Variants in ARHGEF7 observed in about 807,000 individuals in gnomAD.
ARHGEF7 encodes the protein Rho guanine nucleotide exchange factor 7.
In ARHGEF7, 33 loss-of-function variants were observed where a neutral mutation model predicts 109.8. The observed-to-expected ratio is 0.30, with a 90% confidence interval of 0.23 to 0.40. ARHGEF7 has a LOEUF of 0.40. ARHGEF7 is among the 10% of genes least tolerant of loss of function. The pLI, the probability that ARHGEF7 is intolerant of heterozygous loss-of-function variation, is 1.00. For missense variants in ARHGEF7, 938 were observed against 1,098.5 expected, an observed-to-expected ratio of 0.85 and a Z score of 2.07; for synonymous variants, 458 against 424.6, an observed-to-expected ratio of 1.08 and a Z score of -0.97.
chr13:111,243,723 A>G (rs2088246974), intron 6 of ARHGEF7, 149 bp from the exon 7 acceptor site: 1 of 593,304 alleles, frequency 1.7e-6, no homozygotes, highest in South Asian at 2.3e-5. Context: ...CAATAATTGC[A>G]AAGAATGATG....
At chr13:111,215,670 G>A (rs187471483) in intron 4 of ARHGEF7, among the ~76,000 whole-genome samples, 2 of 152,312 alleles carry the variant, frequency 1.3e-5, no homozygotes, top group East Asian at 3.9e-4. Context: ...TGTATGTTTT[G>A]CAGGTTGCAG....
At chr13:111,206,959 C>T (rs1223493960) in intron 3 of ARHGEF7, among the ~76,000 whole-genome samples, 29 of 63,630 alleles carry the variant, frequency 4.6e-4, no homozygotes, top group Admixed American at 8.0e-4. Flanking sequence ...GAGACTCCAT[C>T]TAAAAAAAAA....
chr13:111,283,216 G>A lies in ARHGEF7; in HGVS notation c.1803G>A (p.Thr601=), dbSNP rs959995956. ...CGCCGCTGACGCCCGCCTACCACAC[G>A]CTGCCCCACCCCTCCCACCACGGCA... ...KPAPLTPAYH[T]LPHPSHHGTP... is the part of the protein sequence containing the mutation. Residue 601 remains threonine, a synonymous_variant, in exon 16 of 22, where the codon ACG becomes ACA. Coordinates refer to ENST00000646102, the MANE Select transcript of ARHGEF7 (RefSeq NM_001354046.2). 18 of 1,595,610 alleles carry A rather than the reference G, an allele frequency of 1.1e-5. No homozygotes were observed. Among genetic ancestry groups the A allele is most frequent in the East Asian group, 4.5e-5 (2 of 44,230 alleles).
intron 19 of ARHGEF7, among the ~76,000 whole-genome samples, chr13:111,300,379 T>C (rs927911952): frequency 6.6e-6 from 1 of 152,240 alleles, no homozygotes; most frequent in African/African-American, 2.4e-5. Context: ...CTGATTGGTC[T>C]CATATGTCTT....
At position 111,115,640 on chromosome 13, in the gene ARHGEF7, G is replaced by A. The variant is rs763277979; in HGVS notation, c.114G>A (p.Gly38=). ...EGFLQASLKD[G]VVLCRLLERL... ...TTCTGCAGGCGTCGCTGAAGGATGGGGTGGTCCTCTGCAGGCTGCTGGAGC... is the reference window on the plus strand; with the variant it reads ...TTCTGCAGGCGTCGCTGAAGGATGGAGTGGTCCTCTGCAGGCTGCTGGAGC... Residue 38 remains glycine (G), a synonymous_variant, in exon 1 of 22, where the codon GGG becomes GGA. Coordinates refer to ENST00000646102, the MANE Select transcript of ARHGEF7 (RefSeq NM_001354046.2). 2.2e-6 allele frequency: 3 copies of A among 1,386,112 alleles called. No individual in the cohort carries two copies. The highest frequency in any genetic ancestry group is 6.4e-5 in the East Asian group (2 of 31,138). The allele number at this position is 1,386,112 out of a possible 1,614,324, so 85.9% of individuals were successfully genotyped here. A position where few individuals can be genotyped will look rare whatever the true frequency, so the allele number is the denominator to read the frequency against.
chr13:111,151,281 T>G (rs1285085990), intron 1 of ARHGEF7, among the ~76,000 whole-genome samples: 1 of 152,234 alleles, frequency 6.6e-6, no homozygotes, highest in Non-Finnish European at 1.5e-5. Flanking sequence ...TTTTAAAAAT[T>G]CTTCCGCAGC....
At chr13:111,292,926 A>G (rs199516443) in intron 19 of ARHGEF7, 1 of 986,634 alleles carries the variant, frequency 1.0e-6, no homozygotes, top group East Asian at 1.1e-4. Context: ...ACGTGTGTTC[A>G]GAGCTTGTCT....
chr13:111,174,165 T>A (rs899346541), intron 2 of ARHGEF7, among the ~76,000 whole-genome samples: 2 of 152,262 alleles, frequency 1.3e-5, no homozygotes, highest in Non-Finnish European at 2.9e-5. Context: ...TTTGCTGCTA[T>A]TTAAAATCTA....
Position 111,266,795 on chromosome 13 carries a change from G to C in ARHGEF7, c.951-753G>C, listed in dbSNP as rs1441083695. 1 of 455,984 alleles carries C rather than the reference G, an allele frequency of 2.2e-6. No homozygotes were observed. The highest frequency in any genetic ancestry group is 4.4e-6 in the Non-Finnish European group (1 of 226,790). The allele number at this position is 455,984 out of a possible 1,614,324, so 28.2% of individuals were successfully genotyped here. A position where few individuals can be genotyped will look rare whatever the true frequency, so the allele number is the denominator to read the frequency against. Reference sequence around the variant, plus strand: ...AGACACCCTGGGGTGCAGGGAAGGTGGTAAGAGTTCACGTGGTTCTCCTGT... The same window carrying C: ...AGACACCCTGGGGTGCAGGGAAGGTCGTAAGAGTTCACGTGGTTCTCCTGT... On this transcript the variant is annotated intron_variant, in intron 8 of 21. Coordinates refer to ENST00000646102, the MANE Select transcript of ARHGEF7 (RefSeq NM_001354046.2). The surrounding 1 kb of genome is among the most constrained non-coding windows in gnomAD (Gnocchi z 4.8).
At position 111,304,748 on chromosome 13, in the gene ARHGEF7, GC is replaced by G. The variant is rs2093625362; in HGVS notation, c.*1639del. 6.6e-6 allele frequency: 1 copy of G among 152,272 alleles called. No individual in the cohort carries two copies. Among genetic ancestry groups the G allele is most frequent in the African/African-American group, 2.4e-5 (1 of 41,462 alleles). 9.4% of individuals were successfully genotyped at this position (152,272 alleles called of 1,614,324 possible). A position where few individuals can be genotyped will look rare whatever the true frequency, so the allele number is the denominator to read the frequency against. On this transcript the variant is annotated 3_prime_UTR_variant, in exon 22 of 22. Transcript: ENST00000646102. ...GTCTGCCTGGGCTCAGCGTGGACCT[GC>G]CCCATGCTGCAGAACCTGGCCTCAC...
intron 1 of ARHGEF7, among the ~76,000 whole-genome samples, chr13:111,151,969 TC>T (rs1250556613): frequency 1.3e-5 from 2 of 152,210 alleles, no homozygotes; most frequent in Non-Finnish European, 2.9e-5. Context: ...TCTGCTTGTG[TC>T]CATATATGAC....
intron 15 of ARHGEF7, 102 bp from the exon 16 acceptor site, chr13:111,283,037 T>C: frequency 7.4e-7 from 1 of 1,342,374 alleles, no homozygotes; most frequent in Non-Finnish European, 1.0e-6. Context: ...TTATTTCACA[T>C]GGAGTGTTTA....
intron 2 of ARHGEF7, among the ~76,000 whole-genome samples, chr13:111,186,035 C>T (rs2079223180): frequency 6.7e-6 from 1 of 150,146 alleles, no homozygotes; most frequent in Non-Finnish European, 1.5e-5. Flanking sequence ...GATAAACTGG[C>T]ATGCAGTCTA....
chr13:111,234,482 G>A (rs1207283749), intron 6 of ARHGEF7, among the ~76,000 whole-genome samples: 1 of 152,192 alleles, frequency 6.6e-6, no homozygotes, highest in Non-Finnish European at 1.5e-5. Flanking sequence ...GAACAGAATG[G>A]CGGGTGCCTC....
At chr13:111,158,869 A>G (rs2076541809) in intron 2 of ARHGEF7, among the ~76,000 whole-genome samples, 1 of 152,244 alleles carries the variant, frequency 6.6e-6, no homozygotes, top group South Asian at 2.1e-4. Flanking sequence ...TCTTTGTGGT[A>G]AGAACATTTA....
chr13:111,242,742 G>A (rs1050464199), intron 6 of ARHGEF7, among the ~76,000 whole-genome samples: 8 of 152,336 alleles, frequency 5.3e-5, no homozygotes, highest in South Asian at 2.1e-4. Flanking sequence ...ACCTGGGGCC[G>A]CTGTCTGGCT....
intron 1 of ARHGEF7, among the ~76,000 whole-genome samples, chr13:111,122,027 C>T (rs2067232757): frequency 6.6e-6 from 1 of 152,216 alleles, no homozygotes; most frequent in African/African-American, 2.4e-5. Context: ...ACCTCAGAGC[C>T]ATCCAAATCC....
chr13:111,178,967 C>CT (rs557713033), intron 2 of ARHGEF7, among the ~76,000 whole-genome samples: 42 of 151,182 alleles, frequency 2.8e-4, no homozygotes, highest in African/African-American at 8.8e-4. Flanking sequence ...CGTCCCCCCC[C>CT]TTTTTTTTTG....
intron 5 of ARHGEF7, among the ~76,000 whole-genome samples, chr13:111,224,901 G>A (rs2084977154): frequency 6.6e-6 from 1 of 152,192 alleles, no homozygotes. Flanking sequence ...CTGCATTACA[G>A]GATGGACCTC....
Sources: allele counts gnomAD v4.1 joint callset (sites outside exome capture counted in the v4.1 genomes callset), GRCh38; gene constraint gnomAD v4.1.1; non-coding constraint Gnocchi (gnomAD v3.1); transcripts MANE v1.5; gene names NCBI Gene and HGNC (gene_info 2026-07-23, HGNC 2026-07-21).